Variants in SETX observed in about 807,000 individuals in gnomAD.
SETX encodes helicase senataxin.
SETX carries 90 observed loss-of-function variants against 227.2 expected under a neutral mutation model. The ratio of observed to expected loss-of-function variants is 0.40; its 90% CI spans 0.33 to 0.47. SETX has a LOEUF of 0.47. Ranked by LOEUF, SETX falls within the 20% of genes least tolerant of loss-of-function variation. The pLI, the probability that SETX is intolerant of heterozygous loss-of-function variation, is 0.91. For missense variants in SETX, 3,052 were observed against 3,181.5 expected (o/e 0.96, Z 0.98); for synonymous variants, 1,210 against 1,113.2 (o/e 1.09, Z -1.73).
chr9:132,280,229 T>C (rs748455156), intron 20 of SETX, among the ~76,000 whole-genome samples: 2 of 152,244 alleles, frequency 1.3e-5, no homozygotes, highest in African/African-American at 4.8e-5. Context: ...ACTTTGTAAT[T>C]ATTTTCTCAA....
intron 5 of SETX, among the ~76,000 whole-genome samples, chr9:132,338,849 C>G (rs1795664875): frequency 4.6e-5 from 7 of 152,126 alleles, no homozygotes. Flanking sequence ...CCTCAACCTC[C>G]TGGGCTCAAG....
At chr9:132,335,784 T>C (rs1847576055) in intron 6 of SETX, among the ~76,000 whole-genome samples, 1 of 152,246 alleles carries the variant, frequency 6.6e-6, no homozygotes, top group African/African-American at 2.4e-5. Flanking sequence ...GAAAATGTAC[T>C]GCTTACTACA....
chr9:132,275,898 C>T (rs563524431), intron 22 of SETX, among the ~76,000 whole-genome samples: 4 of 152,286 alleles, frequency 2.6e-5, no homozygotes, highest in South Asian at 2.1e-4. Context: ...ACCACACAAC[C>T]GAGCAGCTGC....
chr9:132,347,999 C>T (rs1389223323), intron 3 of SETX, among the ~76,000 whole-genome samples: 1 of 151,482 alleles, frequency 6.6e-6, no homozygotes, highest in Non-Finnish European at 1.5e-5. Context: ...ATATGCTTGC[C>T]CTTAAAGGTT....
intron 5 of SETX, among the ~76,000 whole-genome samples, chr9:132,338,068 C>T (rs1354493257): frequency 6.8e-6 from 1 of 147,860 alleles, no homozygotes; most frequent in Non-Finnish European, 1.5e-5. Context: ...AAACATCAGA[C>T]AAACCCAAAG....
intron 10 of SETX, 30 bp downstream of exon 10, chr9:132,326,294 G>C: frequency 1.3e-6 from 2 of 1,497,674 alleles, no homozygotes; most frequent in Non-Finnish European, 1.8e-6. Context: ...GAAAAGTTTG[G>C]AGAGGCATAC....
chr9:132,338,729 T>A (rs1054211342), intron 5 of SETX, among the ~76,000 whole-genome samples: 1 of 152,214 alleles, frequency 6.6e-6, no homozygotes, highest in Non-Finnish European at 1.5e-5. Flanking sequence ...CCATATTTTT[T>A]GTATTGTTAG....
intron 6 of SETX, among the ~76,000 whole-genome samples, chr9:132,335,054 T>C (rs1847502019): frequency 6.6e-6 from 1 of 152,132 alleles, no homozygotes. Context: ...CACTGCCATT[T>C]ATGACACGTG....
chr9:132,329,952 A>C lies in SETX; in HGVS notation c.1646T>G (p.Leu549Arg). The change falls in exon 10 of 26, where the codon CTT becomes CGT. Residue 549 changes from leucine to arginine, a missense_variant. Leu to Arg is a moderately radical substitution (Grantham distance 102, BLOSUM62 -2). Around this residue, in one of 10 missense-constraint regions of SETX, gnomAD observed 179 missense variants for 197.1 expected, o/e 0.91. Coordinates refer to ENST00000224140, the MANE Select transcript of SETX (RefSeq NM_015046.7). ...IRSLLKEGYQLGQQSLCKRFW... is the reference protein window; with the variant it reads ...IRSLLKEGYQRGQQSLCKRFW... ...TCGCTTGCAAAGAGACTGCTGCCCAAGCTGATAACCTTCTTTAAGGAGACT... is the reference window on the plus strand; with the variant it reads ...TCGCTTGCAAAGAGACTGCTGCCCACGCTGATAACCTTCTTTAAGGAGACT... The C allele has an allele frequency of 6.2e-7, 1 of 1,614,236 alleles. No individual in the cohort carries two copies. Among genetic ancestry groups the C allele is most frequent in the South Asian group, 1.1e-5 (1 of 91,088 alleles).
At chr9:132,317,507 CTG>C (rs747505002) in intron 10 of SETX, among the ~76,000 whole-genome samples, 3 of 152,164 alleles carry the variant, frequency 2.0e-5, no homozygotes, top group African/African-American at 4.8e-5. Flanking sequence ...GCTTGGGTAA[CTG>C]TTCCTTTCAC....
chr9:132,305,457 T>C (rs1222575869), intron 11 of SETX, among the ~76,000 whole-genome samples: 1 of 151,728 alleles, frequency 6.6e-6, no homozygotes, highest in African/African-American at 2.4e-5. Flanking sequence ...TATTTACTCA[T>C]TACAAATGAA....
intron 23 of SETX, among the ~76,000 whole-genome samples, chr9:132,272,486 AGAG>A (rs544829509): frequency 7.2e-6 from 1 of 138,880 alleles, no homozygotes; most frequent in South Asian, 2.2e-4. Flanking sequence ...AAAAAAAAAA[AGAG>A]AGAGAGAGAG....
intron 15 of SETX, among the ~76,000 whole-genome samples, chr9:132,290,615 C>A (rs1844238742): frequency 6.7e-6 from 1 of 149,710 alleles, no homozygotes; most frequent in South Asian, 2.1e-4. Flanking sequence ...ACCACTACAG[C>A]CAGGTGCAGC....
At chr9:132,339,691 C>T (rs185194464) in intron 5 of SETX, among the ~76,000 whole-genome samples, 12 of 152,286 alleles carry the variant, frequency 7.9e-5, no homozygotes, top group African/African-American at 2.2e-4. Context: ...CGGCTCACTG[C>T]AACCCCTGCA....
At chr9:132,325,721 T>C (rs998772098) in intron 10 of SETX, among the ~76,000 whole-genome samples, 1 of 151,886 alleles carries the variant, frequency 6.6e-6, no homozygotes, top group East Asian at 2.0e-4. Flanking sequence ...GAGGTCAGAA[T>C]CAGAAGTTCA....
chr9:132,295,954 A>G lies in SETX; in HGVS notation c.6024T>C (p.Pro2008=), dbSNP rs1045096306. 69 of 1,614,096 alleles carry G rather than the reference A, an allele frequency of 4.3e-5. No individual in the cohort carries two copies. Among genetic ancestry groups the G allele is most frequent in the Non-Finnish European group, 5.4e-5 (64 of 1,180,046 alleles). ...IKQNRVLVCA[P]SNAAVDELMK... ...TGAGTTCATCAACAGCTGCATTGGA[A>G]GGTGCACACACGAGGACACGGTTTT... is the stretch of plus-strand genomic sequence containing the variant. Residue 2008 remains proline, a synonymous_variant, in exon 15 of 26, where the codon CCT becomes CCC. Coordinates refer to ENST00000224140, the MANE Select transcript of SETX (RefSeq NM_015046.7).
intron 10 of SETX, among the ~76,000 whole-genome samples, chr9:132,325,377 G>T (rs1439070877): frequency 5.9e-5 from 9 of 151,768 alleles, no homozygotes; most frequent in Admixed American, 5.3e-4. Flanking sequence ...AAAGAAAAAA[G>T]AAAGAAAGAA....
intron 20 of SETX, among the ~76,000 whole-genome samples, chr9:132,280,780 A>G (rs1171026741): frequency 6.6e-6 from 1 of 152,164 alleles, no homozygotes; most frequent in Non-Finnish European, 1.5e-5. Context: ...TTACTTCAAA[A>G]CATCTACTGG....
At chr9:132,322,084 G>A (rs960902371) in intron 10 of SETX, among the ~76,000 whole-genome samples, 2 of 152,090 alleles carry the variant, frequency 1.3e-5, no homozygotes, top group Admixed American at 1.3e-4. Context: ...TTCAGATCAC[G>A]TTTGCCTTCC....
Sources: allele counts gnomAD v4.1 joint callset (sites outside exome capture counted in the v4.1 genomes callset), GRCh38; gene constraint gnomAD v4.1.1; regional missense constraint gnomAD v4.1.1; transcripts MANE v1.5; gene names NCBI Gene and HGNC (gene_info 2026-07-23, HGNC 2026-07-21).